The following USP13 variants were observed in gnomAD, a reference collection of about 807,000 sequenced individuals.
The protein encoded by USP13 is ubiquitin carboxyl-terminal hydrolase 13.
USP13 carries 68 observed loss-of-function variants against 107.8 expected under a neutral mutation model. The observed-to-expected ratio is 0.63, with a 90% CI of 0.52 to 0.77. The LOEUF (loss-of-function observed/expected upper bound fraction) is 0.77. USP13 is among the 30% of genes least tolerant of loss of function. USP13 has a pLI of 0.00. For synonymous variants in USP13, 377 were observed against 389.5 expected, an observed-to-expected ratio of 0.97 and a Z score of 0.38; for missense variants, 945 against 1,093.3, an observed-to-expected ratio of 0.86 and a Z score of 1.91.
Position 179,719,947 on chromosome 3 carries a change from T to C in USP13, c.813T>C (p.Tyr271=), listed in dbSNP as rs1289305425. 6.2e-7 allele frequency: 1 copy of C among 1,613,788 alleles called. No homozygotes were observed. Among genetic ancestry groups the C allele is most frequent in the Middle Eastern group, 1.6e-4 (1 of 6,062 alleles). ...TTTCTCTTCATCCGCTAGATGTTTATTCTTTTCAAGAAGAAGAACCTGTTT... is the reference window on the plus strand; with the variant it reads ...TTTCTCTTCATCCGCTAGATGTTTACTCTTTTCAAGAAGAAGAACCTGTTT... ...GTITPDGADV[Y]SFQEEEPVLD... The change falls in exon 7 of 21, where the codon TAT becomes TAC. Residue 271 remains tyrosine (Y), a synonymous_variant. Coordinates refer to ENST00000263966, the MANE Select transcript of USP13 (RefSeq NM_003940.3).
chr3:179,700,789 A>C (rs914834828), intron 3 of USP13, among the ~76,000 whole-genome samples: 1 of 152,168 alleles, frequency 6.6e-6, no homozygotes, highest in Non-Finnish European at 1.5e-5. Context: ...CAGTCTTCAT[A>C]CATCAGTCAC....
chr3:179,765,827 A>G lies in USP13; in HGVS notation c.2392A>G (p.Arg798Gly), dbSNP rs1715156098. 2 of 1,614,192 alleles carry G rather than the reference A, an allele frequency of 1.2e-6. No homozygotes were observed. The highest frequency in any genetic ancestry group is 1.7e-6 in the Non-Finnish European group (2 of 1,180,036). ...IISEAKPEGP[R>G]VKDGSGTYEL... ...TTCTGAGGCCAAGCCCGAAGGACCT[A>G]GAGTCAAGGATGGATCTGGAAGTAA... is the stretch of plus-strand genomic sequence containing the variant. Residue 798 changes from arginine to glycine, a missense_variant, in exon 19 of 21, where the codon AGA (arginine) becomes GGA (glycine). Coordinates refer to ENST00000263966, the MANE Select transcript of USP13 (RefSeq NM_003940.3).
intron 1 of USP13, among the ~76,000 whole-genome samples, chr3:179,654,160 G>T (rs1720180426): frequency 6.8e-6 from 1 of 147,948 alleles, no homozygotes; most frequent in Admixed American, 6.8e-5. Flanking sequence ...GCTGTAGTGG[G>T]CCGAGATCGC....
At chr3:179,696,304 A>G (rs146478509) in intron 3 of USP13, among the ~76,000 whole-genome samples, 89 of 150,224 alleles carry the variant, frequency 5.9e-4, no homozygotes, top group Non-Finnish European at 9.9e-4. Flanking sequence ...TGATCTAACT[A>G]CTAAATAAAC....
At chr3:179,726,265 C>A (rs1713513086) in intron 8 of USP13, among the ~76,000 whole-genome samples, 1 of 151,960 alleles carries the variant, frequency 6.6e-6, no homozygotes, top group African/African-American at 2.4e-5. Context: ...TCTGTCATGC[C>A]CTGGGGCAGC....
chr3:179,663,552 C>T (rs983594576), intron 1 of USP13, among the ~76,000 whole-genome samples: 2 of 152,212 alleles, frequency 1.3e-5, no homozygotes, highest in African/African-American at 4.8e-5. Context: ...CCTTTCTCAC[C>T]TGGACTGTGG....
At chr3:179,718,286 CT>C (rs5854843) in intron 6 of USP13, among the ~76,000 whole-genome samples, 53 of 145,304 alleles carry the variant, frequency 3.6e-4, no homozygotes, top group African/African-American at 1.2e-3. Context: ...TCTTTAGAAA[CT>C]TTTTTTTTTT....
At position 179,786,473 on chromosome 3, in the gene USP13, C is replaced by A. The variant is rs1257004297; in HGVS notation, c.*2332C>A. The A allele has an allele frequency of 6.6e-6, 1 of 152,122 alleles. No individual in the cohort carries two copies. Among genetic ancestry groups the A allele is most frequent in the Non-Finnish European group, 1.5e-5 (1 of 68,032 alleles). 9.4% of individuals were successfully genotyped at this position (152,122 alleles called of 1,614,324 possible). ...TTTCATTAACTAGCCCTTTTGATGC[C>A]TAGACATGTTGTAAAAAAATTGTGC... On this transcript the variant is annotated 3_prime_UTR_variant, in exon 21 of 21. Transcript: ENST00000263966.
intron 17 of USP13, among the ~76,000 whole-genome samples, 197 bp downstream of exon 17, chr3:179,761,452 G>A (rs1020608822): frequency 1.3e-5 from 2 of 151,996 alleles, no homozygotes; most frequent in Non-Finnish European, 1.5e-5. Context: ...GGCCAGGCGT[G>A]GGGGCTCATG....
intron 1 of USP13, among the ~76,000 whole-genome samples, chr3:179,658,100 G>A (rs956436865): frequency 2.6e-5 from 4 of 152,184 alleles, no homozygotes; most frequent in South Asian, 2.1e-4. Context: ...GATTACAGGT[G>A]CCCACCACCA....
chr3:179,724,789 G>T (rs1713454226), intron 8 of USP13, among the ~76,000 whole-genome samples: 1 of 152,168 alleles, frequency 6.6e-6, no homozygotes, highest in East Asian at 1.9e-4. Flanking sequence ...CGTTTCTTCT[G>T]CATTTTAATT....
chr3:179,780,301 G>A (rs1055069773), intron 19 of USP13, among the ~76,000 whole-genome samples: 4 of 152,172 alleles, frequency 2.6e-5, no homozygotes, highest in Non-Finnish European at 4.4e-5. Flanking sequence ...GTCTCTATTT[G>A]CAGATGACAT....
intron 20 of USP13, among the ~76,000 whole-genome samples, chr3:179,783,746 T>G (rs1459570101): frequency 6.6e-6 from 1 of 152,106 alleles, no homozygotes; most frequent in Non-Finnish European, 1.5e-5. Flanking sequence ...CATGTGCCTG[T>G]GTTCCCAGCT....
intron 19 of USP13, among the ~76,000 whole-genome samples, chr3:179,773,573 G>C (rs1260609487): frequency 3.9e-5 from 6 of 152,234 alleles, no homozygotes; most frequent in Non-Finnish European, 2.9e-5. Flanking sequence ...TTTCCAAAAG[G>C]CAAGATCATG....
At chr3:179,661,825 A>C (rs1720465745) in intron 1 of USP13, among the ~76,000 whole-genome samples, 2 of 152,152 alleles carry the variant, frequency 1.3e-5, no homozygotes, top group Non-Finnish European at 2.9e-5. Context: ...TGATTTTTCC[A>C]GTAAGAGATT....
Position 179,788,187 on chromosome 3 carries a change from A to G in USP13, c.*4046A>G, listed in dbSNP as rs572275620. 6.6e-6 allele frequency: 1 copy of G among 152,462 alleles called. No individual in the cohort carries two copies. The highest frequency in any genetic ancestry group is 1.9e-4 in the East Asian group (1 of 5,184). 9.4% of individuals were successfully genotyped at this position (152,462 alleles called of 1,614,324 possible). ...GTAGGCATCACTGCTGCTAAATCAC[A>G]TCAGTACATGCCTTCTGTGGGGAGA... On this transcript the variant is annotated 3_prime_UTR_variant, in exon 21 of 21. Coordinates refer to ENST00000263966, the MANE Select transcript of USP13 (RefSeq NM_003940.3).
chr3:179,743,268 G>T (rs920088984), intron 12 of USP13, among the ~76,000 whole-genome samples: 1 of 152,262 alleles, frequency 6.6e-6, no homozygotes, highest in South Asian at 2.1e-4. Context: ...GGGGGGAAAG[G>T]GGAGAGAACT....
chr3:179,728,064 G>A lies in USP13; in HGVS notation c.1089-2125G>A, dbSNP rs1372284551. On this transcript the variant is annotated intron_variant, in intron 8 of 20. Coordinates refer to ENST00000263966, the MANE Select transcript of USP13 (RefSeq NM_003940.3). ...CCCTCCCGGACGGGGCGGCTGGCCG[G>A]GCGGGGGGCTGACCCCCCCACCTCC... is the stretch of plus-strand genomic sequence containing the variant. 9.6e-5 allele frequency among the ~76,000 whole-genome samples: 7 copies of A among 73,176 alleles called. 1 individual carries two copies. Among genetic ancestry groups the A allele is most frequent in the African/African-American group, 1.5e-4 (4 of 26,148 alleles). The allele number at this position is 73,176 out of a possible 152,430, so 48.0% of individuals were successfully genotyped here.
Position 179,676,604 on chromosome 3 carries a change from T to G in USP13, c.169-5274T>G, listed in dbSNP as rs1720897702. Among the ~76,000 whole-genome samples the G allele has an allele frequency of 2.0e-5, 3 of 152,160 alleles. No homozygotes were observed. The South Asian group carries it at 6.2e-4, about 32-fold the overall frequency. On this transcript the variant is annotated intron_variant, in intron 1 of 20. Coordinates refer to ENST00000263966, the MANE Select transcript of USP13 (RefSeq NM_003940.3). The stretch of plus-strand genomic sequence containing the variant: ...GCTGTTGGGAGCAGAGGCCATCGGG[T>G]GCTGACTCTGTATGTGAAAGACAGT...
Sources: gnomAD v4.1 joint callset for allele counts (sites outside exome capture counted in the v4.1 genomes callset) on GRCh38, gnomAD v4.1.1 for gene constraint, MANE v1.5 for transcripts, NCBI Gene and HGNC (gene_info 2026-07-23, HGNC 2026-07-21) for gene names.